The following GRIK2 variants were observed in gnomAD, a reference collection of about 807,000 sequenced individuals.
GRIK2 encodes the protein glutamate receptor ionotropic, kainate 2.
In GRIK2, 32 loss-of-function variants were observed where a neutral mutation model predicts 100.3. The observed-to-expected ratio is 0.32, with a 90% CI of 0.24 to 0.43. The LOEUF (loss-of-function observed/expected upper bound fraction) is 0.43. GRIK2 is among the 20% of genes least tolerant of loss of function. GRIK2 has a pLI of 1.00. For synonymous variants in GRIK2, 417 were observed against 389.4 expected (o/e 1.07, Z -0.83); for missense variants, 843 against 1,114.9 (o/e 0.76, Z 3.47).
At chr6:101,723,630 A>G (rs546636061) in intron 7 of GRIK2, among the ~76,000 whole-genome samples, 5 of 152,012 alleles carry the variant, frequency 3.3e-5, no homozygotes, top group Non-Finnish European at 5.9e-5. Flanking sequence ...CAGTTAGTTA[A>G]TCCCTTCTTT....
chr6:101,830,285 C>G (rs181076549), intron 10 of GRIK2, among the ~76,000 whole-genome samples: 76 of 151,882 alleles, frequency 5.0e-4, no homozygotes, highest in East Asian at 5.8e-4. Flanking sequence ...GAAGATATAT[C>G]AAGGAAATTA....
chr6:101,725,363 G>A (rs1371430139), intron 7 of GRIK2, among the ~76,000 whole-genome samples: 1 of 151,958 alleles, frequency 6.6e-6, no homozygotes, highest in African/African-American at 2.4e-5. Flanking sequence ...CCTCTCTATT[G>A]TAATTTCTGA....
At chr6:101,924,801 G>C in intron 13 of GRIK2, 82 bp downstream of exon 13, 1 of 834,000 alleles carries the variant, frequency 1.2e-6, no homozygotes, top group Non-Finnish European at 2.1e-6. Flanking sequence ...GGCACAAGTC[G>C]CTTGCATGGG....
At chr6:101,563,058 T>G (rs1279523654) in intron 2 of GRIK2, among the ~76,000 whole-genome samples, 1 of 152,206 alleles carries the variant, frequency 6.6e-6, no homozygotes, top group East Asian at 1.9e-4. Flanking sequence ...TCCTACCAGC[T>G]TTTTGAGAAT....
chr6:101,441,617 T>C (rs964639902), intron 2 of GRIK2, among the ~76,000 whole-genome samples: 6 of 152,164 alleles, frequency 3.9e-5, no homozygotes, highest in Non-Finnish European at 8.8e-5. Context: ...GTTAGGAGTC[T>C]TTATGGCCTC....
At chr6:101,469,563 G>A (rs1189532772) in intron 2 of GRIK2, among the ~76,000 whole-genome samples, 1 of 152,118 alleles carries the variant, frequency 6.6e-6, no homozygotes, top group Non-Finnish European at 1.5e-5. Context: ...TGTAAAGGCA[G>A]TTTAATTTAC....
chr6:101,891,534 A>G (rs1434950535), intron 12 of GRIK2: 3 of 393,896 alleles, frequency 7.6e-6, no homozygotes, highest in Non-Finnish European at 9.8e-6. Context: ...AAAAAAAAAA[A>G]AAAGGTGGAT....
intron 14 of GRIK2, among the ~76,000 whole-genome samples, chr6:102,020,144 T>A (rs573571477): frequency 5.3e-5 from 8 of 152,030 alleles, no homozygotes; most frequent in Non-Finnish European, 7.4e-5. Context: ...CTGTCTTTGA[T>A]ATGATTGCTA....
intron 2 of GRIK2, among the ~76,000 whole-genome samples, chr6:101,509,144 C>T (rs759229718): frequency 3.8e-4 from 45 of 118,946 alleles, no homozygotes; most frequent in Admixed American, 7.3e-4. Context: ...GGTGACAGAG[C>T]GAGACTCTGT....
At chr6:101,480,423 TAGCA>T in intron 2 of GRIK2, among the ~76,000 whole-genome samples, 2 of 152,214 alleles carry the variant, frequency 1.3e-5, no homozygotes, top group South Asian at 4.2e-4. Flanking sequence ...TTTCCTCTCT[TAGCA>T]TCCTATCTTT....
chr6:101,955,615 T>TCTCTCTCTCTCC lies in GRIK2; in HGVS notation c.2085+26984_2085+26985insTCTCTCTCTCCC, dbSNP rs1405718742. On this transcript the variant is annotated intron_variant, in intron 14 of 16. Coordinates refer to ENST00000369134, the MANE Select transcript of GRIK2 (RefSeq NM_021956.5). ...CTCTCTCTCTCTCTCTCTCTCTCTC[T>TCTCTCTCTCTCC]CCCCCCCATTTCTTTTACAGTCAGA... 4.6e-4 allele frequency among the ~76,000 whole-genome samples: 43 copies of TCTCTCTCTCTCC among 93,204 alleles called. 3 individuals carry two copies. The highest frequency in any genetic ancestry group is 1.8e-3 in the African/African-American group (43 of 23,902). The allele number at this position is 93,204 out of a possible 152,430, so 61.1% of individuals were successfully genotyped here. A position where few individuals can be genotyped will look rare whatever the true frequency, so the allele number is the denominator to read the frequency against.
chr6:101,501,157 CT>C (rs149893263), intron 2 of GRIK2, among the ~76,000 whole-genome samples: 1,883 of 152,170 alleles, frequency 0.012, 43 homozygotes, highest in African/African-American at 0.043. Context: ...CTGAGGAAAC[CT>C]GTCAGCTACT....
At chr6:101,717,325 TAAC>T (rs1426372935) in intron 7 of GRIK2, among the ~76,000 whole-genome samples, 1 of 144,468 alleles carries the variant, frequency 6.9e-6, no homozygotes, top group Non-Finnish European at 1.5e-5. Context: ...TCTCCAATAA[TAAC>T]ACTTTTTTTT....
chr6:101,486,348 C>T (rs918324083), intron 2 of GRIK2, among the ~76,000 whole-genome samples: 2 of 122,658 alleles, frequency 1.6e-5, no homozygotes, highest in Non-Finnish European at 3.1e-5. Context: ...TGTCTGTAGC[C>T]GAACTTGAAA....
At chr6:101,544,625 C>CTATG (rs1488332028) in intron 2 of GRIK2, among the ~76,000 whole-genome samples, 1 of 152,070 alleles carries the variant, frequency 6.6e-6, no homozygotes, top group Admixed American at 6.6e-5. Context: ...CTTCTTTATG[C>CTATG]TATGTCTAAG....
intron 2 of GRIK2, among the ~76,000 whole-genome samples, chr6:101,522,811 C>T (rs1774944930): frequency 6.6e-6 from 1 of 151,936 alleles, no homozygotes; most frequent in Non-Finnish European, 1.5e-5. Context: ...TTGTAAGCTC[C>T]ATGGCTCCAT....
At chr6:101,482,837 T>C (rs1772605324) in intron 2 of GRIK2, among the ~76,000 whole-genome samples, 2 of 152,084 alleles carry the variant, frequency 1.3e-5, no homozygotes, top group Non-Finnish European at 2.9e-5. Context: ...AAACAGCTGG[T>C]ATAACCTTCT....
At chr6:101,564,701 A>G (rs1216998415) in intron 2 of GRIK2, among the ~76,000 whole-genome samples, 4 of 152,158 alleles carry the variant, frequency 2.6e-5, no homozygotes, top group Admixed American at 6.6e-5. Context: ...TAACTTCTTC[A>G]TCATATTATT....
intron 7 of GRIK2, among the ~76,000 whole-genome samples, chr6:101,737,559 C>G (rs1385474982): frequency 6.6e-6 from 1 of 152,130 alleles, no homozygotes; most frequent in Non-Finnish European, 1.5e-5. Flanking sequence ...AGGAGAGAGA[C>G]TCGCCCCAAT....
Sources: gnomAD v4.1 joint callset for allele counts (sites outside exome capture counted in the v4.1 genomes callset) on GRCh38, gnomAD v4.1.1 for gene constraint, MANE v1.5 for transcripts, NCBI Gene and HGNC (gene_info 2026-07-23, HGNC 2026-07-21) for gene names.